FOXP2: variants seen among roughly 807,000 people sequenced by gnomAD.
FOXP2 encodes the protein forkhead box protein P2.
FOXP2 carries 12 observed loss-of-function variants against 115.8 expected under a neutral mutation model. The observed-to-expected ratio is 0.10, with a 90% CI of 0.07 to 0.17. The LOEUF (loss-of-function observed/expected upper bound fraction) is 0.17. Among genes scored for constraint, FOXP2 ranks in the 10% least tolerant of loss-of-function variants. FOXP2 has a pLI of 1.00. For synonymous variants in FOXP2, 328 were observed against 297.7 expected, an observed-to-expected ratio of 1.10 and a Z score of -1.05; for missense variants, 629 against 843.5, an observed-to-expected ratio of 0.75 and a Z score of 3.15.
intron 2 of FOXP2, among the ~76,000 whole-genome samples, chr7:114,404,173 C>T (rs1792961527): frequency 6.6e-6 from 1 of 151,866 alleles, no homozygotes; most frequent in Admixed American, 6.6e-5. Flanking sequence ...GAAGGGGTGT[C>T]AATATCAAAT....
intron 3 of FOXP2, among the ~76,000 whole-genome samples, chr7:114,541,977 A>G (rs1799686336): frequency 6.6e-6 from 1 of 152,066 alleles, no homozygotes; most frequent in Non-Finnish European, 1.5e-5. Context: ...AAATTGAATG[A>G]CAAAGTGAAG....
At chr7:114,322,379 G>C (rs1797446502) in intron 2 of FOXP2, among the ~76,000 whole-genome samples, 1 of 151,796 alleles carries the variant, frequency 6.6e-6, no homozygotes, top group Non-Finnish European at 1.5e-5. Context: ...AGCTGGGTGT[G>C]GTGGCTCATG....
At chr7:114,413,970 C>T (rs777634102), upstream of FOXP2, among the ~76,000 whole-genome samples, 13 of 152,084 alleles carry the variant, frequency 8.5e-5, no homozygotes, top group Non-Finnish European at 1.6e-4. Flanking sequence ...TTCAAGTTGT[C>T]TTGCCCAGAG....
At chr7:114,576,886 A>C (rs972030551) in intron 3 of FOXP2, among the ~76,000 whole-genome samples, 6 of 151,952 alleles carry the variant, frequency 3.9e-5, no homozygotes, top group Non-Finnish European at 7.4e-5. Context: ...CATAATTGAA[A>C]GTTGTAGAAA....
intron 1 of FOXP2, among the ~76,000 whole-genome samples, chr7:114,218,659 C>G (rs779176672): frequency 4.6e-5 from 7 of 152,076 alleles, no homozygotes; most frequent in African/African-American, 7.2e-5. Flanking sequence ...AAAAAATAAT[C>G]TAAGTTAAGG....
At chr7:114,333,036 A>G (rs1797750007) in intron 2 of FOXP2, among the ~76,000 whole-genome samples, 1 of 152,178 alleles carries the variant, frequency 6.6e-6, no homozygotes, top group Non-Finnish European at 1.5e-5. Context: ...GTTCCTTTCT[A>G]CCACAAAACG....
rs540163078 is a variant in FOXP2 at position 114,183,107 on chromosome 7, G to T, written c.-102+20019G>T. On this transcript the variant is annotated intron_variant, in intron 1 of 17. Coordinates refer to the FOXP2 transcript ENST00000634411. ...GGTCTGTATCACAAAAGTCCAGTCT[G>T]TTGGGCTGTGTGTTTGCCAAGAAAA... Among the ~76,000 whole-genome samples the T allele has an allele frequency of 4.6e-5, 7 of 152,228 alleles. No homozygotes were observed. The South Asian group carries it at 1.5e-3, about 32-fold the overall frequency.
intron 1 of FOXP2, among the ~76,000 whole-genome samples, chr7:114,123,163 C>A (rs976162262): frequency 1.1e-4 from 17 of 151,836 alleles, no homozygotes; most frequent in African/African-American, 4.1e-4. Flanking sequence ...CCAGCCTGGG[C>A]AACATAGTGA....
intron 3 of FOXP2, among the ~76,000 whole-genome samples, chr7:114,591,128 A>G (rs781261026): frequency 1.3e-5 from 2 of 152,152 alleles, no homozygotes; most frequent in Non-Finnish European, 2.9e-5. Flanking sequence ...TGATTACAGT[A>G]GAGTAAGTTA....
chr7:114,214,501 G>A (rs1217985553), intron 1 of FOXP2, among the ~76,000 whole-genome samples: 1 of 152,162 alleles, frequency 6.6e-6, no homozygotes, highest in African/African-American at 2.4e-5. Flanking sequence ...ACTGCTTTAA[G>A]AAAATCATCT....
At chr7:114,601,840 C>A (rs190804310) in intron 3 of FOXP2, among the ~76,000 whole-genome samples, 2 of 151,868 alleles carry the variant, frequency 1.3e-5, no homozygotes, top group African/African-American at 4.8e-5. Context: ...CTTTGAAATT[C>A]GTTGAAATTT....
chr7:114,520,466 G>T (rs1276713228), intron 2 of FOXP2, among the ~76,000 whole-genome samples: 3 of 152,010 alleles, frequency 2.0e-5, no homozygotes, highest in Non-Finnish European at 4.4e-5. Flanking sequence ...ACAGAGTAGG[G>T]AACATTGCCT....
intron 2 of FOXP2, among the ~76,000 whole-genome samples, chr7:114,508,966 A>G (rs1797948158): frequency 6.6e-6 from 1 of 152,106 alleles, no homozygotes; most frequent in Non-Finnish European, 1.5e-5. Context: ...TTCTATTATG[A>G]GGAACATTAT....
At chr7:114,542,314 A>G (rs1297877264) in intron 3 of FOXP2, among the ~76,000 whole-genome samples, 1 of 152,178 alleles carries the variant, frequency 6.6e-6, no homozygotes, top group Admixed American at 6.5e-5. Flanking sequence ...ATATTCTAAC[A>G]TATCATTTTA....
At chr7:114,280,787 G>A (rs1466124389) in intron 1 of FOXP2, among the ~76,000 whole-genome samples, 1 of 152,122 alleles carries the variant, frequency 6.6e-6, no homozygotes, top group African/African-American at 2.4e-5. Context: ...AGACAAGTGT[G>A]TCACTTTCTC....
chr7:114,417,895 A>T (rs1482057486), intron 1 of FOXP2, among the ~76,000 whole-genome samples: 1 of 151,992 alleles, frequency 6.6e-6, no homozygotes, highest in Non-Finnish European at 1.5e-5. Context: ...TGAAAGAAAT[A>T]CACGAACTGA....
chr7:114,253,310 A>G (rs1241939203), intron 1 of FOXP2, among the ~76,000 whole-genome samples: 2 of 151,972 alleles, frequency 1.3e-5, no homozygotes, highest in South Asian at 2.1e-4. Flanking sequence ...TATTAGGTCC[A>G]CTTGGTGCAG....
chr7:114,393,624 G>A (rs1250355904), intron 2 of FOXP2, among the ~76,000 whole-genome samples: 1 of 151,830 alleles, frequency 6.6e-6, no homozygotes, highest in Non-Finnish European at 1.5e-5. Context: ...CTCCAGAAGG[G>A]ATACAGAGTG....
intron 16 of FOXP2, among the ~76,000 whole-genome samples, chr7:114,671,602 C>T (rs77219038): frequency 4.6e-5 from 7 of 152,130 alleles, no homozygotes; most frequent in East Asian, 3.9e-4. Flanking sequence ...CTTTCTCTAA[C>T]GGTCAAAAAA....
Sources: gnomAD v4.1 joint callset for allele counts (sites outside exome capture counted in the v4.1 genomes callset) on GRCh38, gnomAD v4.1.1 for gene constraint, MANE v1.5 for transcripts, NCBI Gene and HGNC (gene_info 2026-07-23, HGNC 2026-07-21) for gene names.